Variants in FBN1 observed in about 807,000 individuals in gnomAD.
FBN1 encodes the protein fibrillin 1.
FBN1 carries 29 observed loss-of-function variants against 365.1 expected under a neutral mutation model. The ratio of observed to expected loss-of-function variants is 0.08; its 90% CI spans 0.06 to 0.11. The LOEUF (loss-of-function observed/expected upper bound fraction) is 0.11. Ranked by LOEUF, FBN1 falls within the 10% of genes least tolerant of loss-of-function variation. The probability of loss-of-function intolerance (pLI) is 1.00; values close to 1 mark genes in which losing one functional copy is unlikely to be tolerated. For synonymous variants in FBN1, 1,210 were observed against 1,270.5 expected, an observed-to-expected ratio of 0.95 and a Z score of 1.01; for missense variants, 2,476 against 3,703.2, an observed-to-expected ratio of 0.67 and a Z score of 8.60.
At chr15:48,488,025 C>T (rs1435960402) in intron 27 of FBN1, 88 bp downstream of exon 27, 1 of 1,557,794 alleles carries the variant, frequency 6.4e-7, no homozygotes, top group African/African-American at 1.4e-5. Flanking sequence ...ACTGGGGCAG[C>T]AGGAAGAACC....
intron 30 of FBN1, among the ~76,000 whole-genome samples, chr15:48,484,773 C>T (rs774637316): frequency 2.0e-5 from 3 of 152,318 alleles, no homozygotes; most frequent in East Asian, 3.8e-4. Context: ...AAATTCTCTT[C>T]TTAAGCCAAG....
intron 46 of FBN1, among the ~76,000 whole-genome samples, chr15:48,447,480 G>A (rs2043169135): frequency 6.6e-6 from 1 of 152,108 alleles, no homozygotes; most frequent in Admixed American, 6.6e-5. Flanking sequence ...ACTTTTCTCT[G>A]ATGATTTTGT....
At chr15:48,636,662 C>A (rs187337500) in intron 2 of FBN1, among the ~76,000 whole-genome samples, 3 of 152,298 alleles carry the variant, frequency 2.0e-5, no homozygotes, top group Admixed American at 2.0e-4. Flanking sequence ...CCTTTATTCC[C>A]CTCCTCAGTG....
intron 45 of FBN1, among the ~76,000 whole-genome samples, chr15:48,450,360 C>A (rs192703388): frequency 6.6e-6 from 1 of 152,168 alleles, no homozygotes; most frequent in Non-Finnish European, 1.5e-5. Flanking sequence ...CTTTCATCTA[C>A]TGCCCTATTT....
chr15:48,571,077 G>C (rs74011873), intron 6 of FBN1, among the ~76,000 whole-genome samples: 4,485 of 152,260 alleles, frequency 0.029, 271 homozygotes, highest in East Asian at 0.24. Context: ...GGCAATGCAC[G>C]TTCAGGGACA....
At chr15:48,565,772 G>A (rs1187223880) in intron 6 of FBN1, among the ~76,000 whole-genome samples, 3 of 152,154 alleles carry the variant, frequency 2.0e-5, no homozygotes, top group Admixed American at 6.6e-5. Flanking sequence ...TTTGAAGAAT[G>A]AGGGTACTAC....
intron 2 of FBN1, among the ~76,000 whole-genome samples, chr15:48,619,240 G>A (rs1037313472): frequency 6.6e-6 from 1 of 152,080 alleles, no homozygotes; most frequent in African/African-American, 2.4e-5. Context: ...CCTCCTTTGA[G>A]GATGCAAGCC....
intron 12 of FBN1, among the ~76,000 whole-genome samples, chr15:48,514,196 T>C (rs1850227976): frequency 6.6e-6 from 1 of 152,240 alleles, no homozygotes; most frequent in South Asian, 2.1e-4. Flanking sequence ...ACACTAGTTT[T>C]ACAGTCACTT....
At chr15:48,542,915 A>C (rs2044069217) in intron 6 of FBN1, among the ~76,000 whole-genome samples, 1 of 151,750 alleles carries the variant, frequency 6.6e-6, no homozygotes. Flanking sequence ...GATAACAACT[A>C]CTTATCTGAA....
rs199781948 is a variant in FBN1, at chr15:48,644,804, G to A, written c.-35C>T. The stretch of plus-strand genomic sequence containing the variant: ...CCGCCACCGGCTCCCGCCGCCTCTT[G>A]CCGCGCCCGGGGCTCGGTCTGCGGC... On this transcript the variant is annotated 5_prime_UTR_variant, in exon 2 of 66. Coordinates refer to ENST00000316623, the MANE Select transcript of FBN1 (RefSeq NM_000138.5). 5.1e-4 allele frequency: 812 copies of A among 1,595,440 alleles called. No homozygotes were observed. The highest frequency in any genetic ancestry group is 9.0e-4 in the Admixed American group (53 of 58,852).
At chr15:48,431,519 T>C (rs568860279) in intron 55 of FBN1, among the ~76,000 whole-genome samples, 2 of 152,094 alleles carry the variant, frequency 1.3e-5, no homozygotes, top group Non-Finnish European at 2.9e-5. Context: ...ATAACAATAA[T>C]TATAACAGCA....
chr15:48,477,827 C>T (rs78261205), intron 32 of FBN1, among the ~76,000 whole-genome samples: 1,695 of 152,308 alleles, frequency 0.011, 41 homozygotes, highest in African/African-American at 0.039. Context: ...TAAAGTGACA[C>T]CGCAACCTTC....
intron 10 of FBN1, among the ~76,000 whole-genome samples, chr15:48,520,404 C>T (rs1457724494): frequency 6.6e-6 from 1 of 152,096 alleles, no homozygotes; most frequent in Non-Finnish European, 1.5e-5. Flanking sequence ...AGAATAAGTA[C>T]TTCCCCAAAA....
At chr15:48,491,486 G>A (rs2043558046) in intron 24 of FBN1, among the ~76,000 whole-genome samples, 2 of 152,052 alleles carry the variant, frequency 1.3e-5, no homozygotes, top group South Asian at 4.2e-4. Flanking sequence ...GAGTAGCTGG[G>A]ATTACAGGTG....
chr15:48,626,579 A>G (rs59414947), intron 2 of FBN1, among the ~76,000 whole-genome samples: 20,582 of 152,138 alleles, frequency 0.14, 3,684 homozygotes, highest in African/African-American at 0.4. Flanking sequence ...AGGAACAAAA[A>G]TAAATAAATA....
intron 4 of FBN1, among the ~76,000 whole-genome samples, chr15:48,606,333 A>T (rs2044609216): frequency 6.6e-6 from 1 of 152,238 alleles, no homozygotes; most frequent in South Asian, 2.1e-4. Flanking sequence ...ATGACAACTC[A>T]GATGCCCTTC....
intron 6 of FBN1, among the ~76,000 whole-genome samples, chr15:48,585,819 T>G (rs1203799279): frequency 6.6e-6 from 1 of 152,204 alleles, no homozygotes; most frequent in Non-Finnish European, 1.5e-5. Context: ...AAATTGACTT[T>G]TTAAAGAAAA....
intron 6 of FBN1, among the ~76,000 whole-genome samples, chr15:48,545,483 G>A (rs1201435282): frequency 6.6e-6 from 1 of 152,104 alleles, no homozygotes; most frequent in Non-Finnish European, 1.5e-5. Flanking sequence ...AATATCAATC[G>A]ATTGCAGTGC....
At chr15:48,584,293 CA>C (rs1372545540) in intron 6 of FBN1, among the ~76,000 whole-genome samples, 10 of 152,200 alleles carry the variant, frequency 6.6e-5, no homozygotes, top group Admixed American at 5.2e-4. Flanking sequence ...TCAAGGCCAC[CA>C]ATCCAGCAAG....
Sources: gnomAD v4.1 joint callset for allele counts (sites outside exome capture counted in the v4.1 genomes callset) on GRCh38, gnomAD v4.1.1 for gene constraint, MANE v1.5 for transcripts, NCBI Gene and HGNC (gene_info 2026-07-23, HGNC 2026-07-21) for gene names.